The following SH3KBP1 variants were observed in gnomAD, a reference collection of about 807,000 sequenced individuals.
The protein encoded by SH3KBP1 is SH3 domain containing kinase binding protein 1.
In SH3KBP1, 8 loss-of-function variants were observed where a neutral mutation model predicts 50.1. The observed-to-expected ratio is 0.16, with a 90% CI of 0.09 to 0.29. The LOEUF (loss-of-function observed/expected upper bound fraction) is 0.29. SH3KBP1 is among the 10% of genes least tolerant of loss of function. SH3KBP1 has a pLI of 1.00. For synonymous variants in SH3KBP1, 227 were observed against 218.6 expected, an observed-to-expected ratio of 1.04 and a Z score of -0.34; for missense variants, 377 against 535.2, an observed-to-expected ratio of 0.70 and a Z score of 2.92.
chrX:19,643,322 A>ATT (rs1237715100), intron 7 of SH3KBP1, among the ~76,000 whole-genome samples: 2 of 72,164 alleles, frequency 2.8e-5, no homozygotes, highest in Non-Finnish European at 4.9e-5. Context: ...TTTTTTTTTT[A>ATT]TTTTTTTTTT....
chrX:19,647,285 A>G, intron 6 of SH3KBP1, among the ~76,000 whole-genome samples: 1 of 111,487 alleles, frequency 9.0e-6, no homozygotes, highest in African/African-American at 3.3e-5. Flanking sequence ...TGAAAAAAAA[A>G]AAAAAGGACA....
chrX:19,873,386 C>T (rs1215634090), intron 1 of SH3KBP1, among the ~76,000 whole-genome samples: 1 of 101,253 alleles, frequency 9.9e-6, no homozygotes, highest in East Asian at 3.1e-4. Flanking sequence ...TAGTAAAAAC[C>T]CTGGCTGGGC....
chrX:19,672,238 C>T (rs941768795), intron 6 of SH3KBP1, among the ~76,000 whole-genome samples: 1 of 111,892 alleles, frequency 8.9e-6, no homozygotes, highest in South Asian at 3.7e-4. Flanking sequence ...CCAACTAGGA[C>T]GGAGGAGAAT....
chrX:19,862,030 G>C (rs1157996120), intron 1 of SH3KBP1, among the ~76,000 whole-genome samples: 1 of 112,034 alleles, frequency 8.9e-6, no homozygotes, highest in Non-Finnish European at 1.9e-5. Flanking sequence ...GGTAGCCACT[G>C]CTCTGATTGT....
intron 1 of SH3KBP1, among the ~76,000 whole-genome samples, chrX:19,843,500 C>T (rs778405142): frequency 4.5e-5 from 5 of 111,495 alleles, no homozygotes; most frequent in Admixed American, 2.9e-4. Context: ...ACCTACATAC[C>T]AGCCACGTTT....
intron 2 of SH3KBP1, among the ~76,000 whole-genome samples, chrX:19,786,842 G>A (rs1020665392): frequency 3.6e-5 from 4 of 111,683 alleles, no homozygotes; most frequent in South Asian, 3.7e-4. Context: ...GGTCCACAGC[G>A]GTAAAAAGCA....
At chrX:19,774,025 G>A (rs1356656581) in intron 2 of SH3KBP1, among the ~76,000 whole-genome samples, 9 of 109,971 alleles carry the variant, frequency 8.2e-5, no homozygotes, top group African/African-American at 2.7e-4. Context: ...CATAGAAAAC[G>A]GAATTAGCAG....
intron 2 of SH3KBP1, among the ~76,000 whole-genome samples, chrX:19,793,324 A>ATC (rs1461493602): frequency 1.7e-4 from 18 of 105,500 alleles, no homozygotes; most frequent in Admixed American, 5.2e-4. Context: ...ATATATATAT[A>ATC]TATATATATA....
intron 8 of SH3KBP1, among the ~76,000 whole-genome samples, chrX:19,618,241 G>A (rs1024161026): frequency 2.5e-4 from 27 of 109,739 alleles, no homozygotes; most frequent in South Asian, 4.0e-4. Flanking sequence ...AAAATTAGCC[G>A]GGCGTGGTGG....
At chrX:19,852,584 T>C (rs989632620) in intron 1 of SH3KBP1, among the ~76,000 whole-genome samples, 2 of 103,974 alleles carry the variant, frequency 1.9e-5, no homozygotes, top group African/African-American at 7.3e-5. Flanking sequence ...CATATTTTTT[T>C]CAATCAATAA....
intron 3 of SH3KBP1, among the ~76,000 whole-genome samples, chrX:19,731,487 T>TTC (rs1422532493): frequency 9.0e-6 from 1 of 111,443 alleles, no homozygotes; most frequent in African/African-American, 3.3e-5. Context: ...CTATTTCACC[T>TTC]TCTCTCTCTC....
At chrX:19,692,216 T>C (rs1223393513) in intron 5 of SH3KBP1, among the ~76,000 whole-genome samples, 1 of 111,492 alleles carries the variant, frequency 9.0e-6, no homozygotes, top group Non-Finnish European at 1.9e-5. Context: ...ATTCTTTCCT[T>C]GATAGACTAG....
chrX:19,747,508 A>T (rs2064950447), intron 2 of SH3KBP1, among the ~76,000 whole-genome samples: 1 of 111,790 alleles, frequency 8.9e-6, no homozygotes, highest in Non-Finnish European at 1.9e-5. Context: ...AGAAATGGGG[A>T]TGGGCTCCCC....
chrX:19,631,355 G>A (rs1330480388), intron 8 of SH3KBP1, among the ~76,000 whole-genome samples: 1 of 112,359 alleles, frequency 8.9e-6, no homozygotes, highest in Admixed American at 9.4e-5. Flanking sequence ...TTTATTTACA[G>A]GGCTCTGGCT....
chrX:19,805,299 G>A (rs2067012172), intron 2 of SH3KBP1, among the ~76,000 whole-genome samples: 1 of 111,321 alleles, frequency 9.0e-6, no homozygotes, highest in African/African-American at 3.3e-5. Flanking sequence ...GATAGTCAAA[G>A]CAGCAGAACC....
rs368221218 is a variant in SH3KBP1 at position 19,631,826 on chromosome X, G to T, written c.897+38C>A. On this transcript the variant is annotated intron_variant, in intron 8 of 17. Transcript: ENST00000397821. ...ACTGTCCAGTCAACACCCCAAAGCA[G>T]TTCGCGATTTAGAAGGTAGGAGACA... 2.0e-5 allele frequency: 19 copies of T among 957,956 alleles called. No individual in the cohort carries two copies. In the African/African-American group the frequency reaches 3.3e-4, roughly 16 times the overall value. 78.9% of individuals were successfully genotyped at this position (957,956 alleles called of 1,213,427 possible).
chrX:19,770,153 A>C (rs909494997), intron 2 of SH3KBP1, among the ~76,000 whole-genome samples: 1 of 111,848 alleles, frequency 8.9e-6, no homozygotes, highest in African/African-American at 3.3e-5. Context: ...TCCAGGTACC[A>C]AGCCTAGTAC....
At chrX:19,764,986 C>CTTTTTTTTT (rs34368819) in intron 2 of SH3KBP1, among the ~76,000 whole-genome samples, 1 of 44,561 alleles carries the variant, frequency 2.2e-5, no homozygotes, top group African/African-American at 9.5e-5. Context: ...TTTTGCAGTT[C>CTTTTTTTTT]TTTTTTTTTT....
Position 19,866,692 on chromosome X carries a change from T to TAA in SH3KBP1, c.4+20613_4+20614dup, listed in dbSNP as rs11393561. Among the ~76,000 whole-genome samples, 415 of 95,313 alleles carry TAA rather than the reference T, an allele frequency of 4.4e-3. 5 individuals are homozygous for TAA. The highest frequency in any genetic ancestry group is 0.015 in the African/African-American group (383 of 25,120). 82.8% of individuals were successfully genotyped at this position (95,313 alleles called of 115,157 possible). A position where few individuals can be genotyped will look rare whatever the true frequency, so the allele number is the denominator to read the frequency against. On this transcript the variant is annotated intron_variant, in intron 1 of 17. Coordinates refer to ENST00000397821, the MANE Select transcript of SH3KBP1 (RefSeq NM_031892.3). ...GCAACAGAGCGAGACCCTGTCTCTTTAAAAAAAAAAAAAGAAAAGAAAAAA... is the reference window on the plus strand; with the variant it reads ...GCAACAGAGCGAGACCCTGTCTCTTTAAAAAAAAAAAAAAAGAAAAGAAAAAA...
Sources: allele counts gnomAD v4.1 joint callset (sites outside exome capture counted in the v4.1 genomes callset), GRCh38; gene constraint gnomAD v4.1.1; transcripts MANE v1.5; gene names NCBI Gene and HGNC (gene_info 2026-07-23, HGNC 2026-07-21).